ITGAV: variants seen among roughly 807,000 people sequenced by gnomAD.
The protein encoded by ITGAV is integrin alpha-V.
A neutral mutation model predicts 143.8 loss-of-function variants in ITGAV; 76 were observed. That is an observed-to-expected ratio of 0.53 (90% CI 0.44 to 0.64). The LOEUF (loss-of-function observed/expected upper bound fraction) is 0.64, where lower values mean the gene tolerates loss of function less well. Among genes scored for constraint, ITGAV ranks in the 30% least tolerant of loss-of-function variants. ITGAV has a pLI of 0.00. For missense variants in ITGAV, 1,193 were observed against 1,274.7 expected (o/e 0.94, Z 0.98); for synonymous variants, 453 against 446.7 (o/e 1.01, Z -0.18).
At chr2:186,592,722 A>G (rs1211571386) in intron 1 of ITGAV, among the ~76,000 whole-genome samples, 1 of 152,190 alleles carries the variant, frequency 6.6e-6, no homozygotes, top group Non-Finnish European at 1.5e-5. Context: ...GACTTCACTC[A>G]TAGACCTTTA....
In ITGAV at chr2:186,590,287, C is replaced by CG; in HGVS notation, c.-46dup. ...GCGGGCACTGGGCGCCTCGCTGGGG[C>CG]GGGGGGAGGTGGCTACCGCTCCCGG... On this transcript the variant is annotated 5_prime_UTR_variant, in exon 1 of 30. Transcript: ENST00000261023. 1 of 1,410,122 alleles carries CG rather than the reference C, an allele frequency of 7.1e-7. No individual in the cohort carries two copies. The highest frequency in any genetic ancestry group is 9.3e-7 in the Non-Finnish European group (1 of 1,079,166). 87.4% of individuals were successfully genotyped at this position (1,410,122 alleles called of 1,614,324 possible). A position where few individuals can be genotyped will look rare whatever the true frequency, so the allele number is the denominator to read the frequency against.
intron 12 of ITGAV, among the ~76,000 whole-genome samples, chr2:186,642,941 G>A (rs1255426204): frequency 1.3e-5 from 2 of 152,160 alleles, no homozygotes; most frequent in Non-Finnish European, 2.9e-5. Flanking sequence ...ATCAAATGGA[G>A]CTATGGTATG....
At chr2:186,636,382 TAATTGA>T (rs1163666384) in intron 7 of ITGAV, among the ~76,000 whole-genome samples, 175 bp downstream of exon 7, 1 of 152,238 alleles carries the variant, frequency 6.6e-6, no homozygotes, top group Non-Finnish European at 1.5e-5. Context: ...TACGTTTCAG[TAATTGA>T]AATTGAAGAC....
At chr2:186,628,598 C>G (rs1205853720) in intron 4 of ITGAV, among the ~76,000 whole-genome samples, 1 of 152,080 alleles carries the variant, frequency 6.6e-6, no homozygotes, top group Non-Finnish European at 1.5e-5. Flanking sequence ...AGACCTGACA[C>G]CACATGTGTC....
intron 2 of ITGAV, among the ~76,000 whole-genome samples, chr2:186,617,098 A>G (rs1202579291): frequency 1.3e-5 from 2 of 151,910 alleles, no homozygotes; most frequent in Non-Finnish European, 2.9e-5. Flanking sequence ...CATAAAAGTC[A>G]TAGTGATAAA....
chr2:186,592,617 CATG>C (rs1686645293), intron 1 of ITGAV, among the ~76,000 whole-genome samples: 1 of 151,380 alleles, frequency 6.6e-6, no homozygotes, highest in Non-Finnish European at 1.5e-5. Flanking sequence ...TTGAACTCTT[CATG>C]ATATTTGCTA....
In ITGAV at chr2:186,676,862, C is replaced by T. The variant is rs1438702828; in HGVS notation, c.2978C>T (p.Pro993Leu). ...ATTCAGCCAGCGCCCATGCCTGTGC[C>T]TGTGTGGGTGATCATTTTAGCAGTT... The part of the protein sequence containing the change: ...WGIQPAPMPV[P>L]VWVIILAVLA... The change falls in exon 29 of 30, where the codon CCT becomes CTT. Residue 993 changes from proline to leucine, a missense_variant. By Grantham distance (98) the Pro-to-Leu change is moderately conservative. Transcript: ENST00000261023. The T allele has an allele frequency of 1.2e-6, 2 of 1,613,954 alleles. No individual in the cohort carries two copies. The highest frequency in any genetic ancestry group is 1.7e-5 in the Admixed American group (1 of 59,988).
chr2:186,624,031 A>G (rs1687607405), intron 3 of ITGAV, among the ~76,000 whole-genome samples: 1 of 152,160 alleles, frequency 6.6e-6, no homozygotes, highest in African/African-American at 2.4e-5. Context: ...ACAAGCTCAT[A>G]CTGCCTTAAA....
intron 2 of ITGAV, among the ~76,000 whole-genome samples, chr2:186,617,749 T>G (rs1687406032): frequency 6.6e-6 from 1 of 151,534 alleles, no homozygotes; most frequent in African/African-American, 2.4e-5. Context: ...TAAATAAAAT[T>G]ATTTTATTGT....
intron 18 of ITGAV, among the ~76,000 whole-genome samples, chr2:186,661,200 C>T (rs1574497280): frequency 6.6e-6 from 1 of 152,250 alleles, no homozygotes; most frequent in South Asian, 2.1e-4. Context: ...ATACTTTTAA[C>T]ACATCTAAAT....
At chr2:186,626,042 A>T (rs1343957746) in intron 4 of ITGAV, among the ~76,000 whole-genome samples, 1 of 152,174 alleles carries the variant, frequency 6.6e-6, no homozygotes, top group African/African-American at 2.4e-5. Flanking sequence ...TATATTAATA[A>T]TGATGTTGAA....
Position 186,629,572 on chromosome 2 carries a change from C to CAA in ITGAV, c.524-1214_524-1213dup, listed in dbSNP as rs879770762. Among the ~76,000 whole-genome samples, 455 of 135,558 alleles carry CAA rather than the reference C, an allele frequency of 3.4e-3. 1 individual carries two copies. Among genetic ancestry groups the CAA allele is most frequent in the African/African-American group, 0.012 (449 of 37,132 alleles). 88.9% of individuals were successfully genotyped at this position (135,558 alleles called of 152,430 possible). A position where few individuals can be genotyped will look rare whatever the true frequency, so the allele number is the denominator to read the frequency against. The stretch of plus-strand genomic sequence containing the variant: ...TTATACTCTTGAGGCTATTTTCTTT[C>CAA]AAAAAAAAAAAACTTTAAAAAAATT... On this transcript the variant is annotated intron_variant, in intron 4 of 29. Transcript: ENST00000261023.
intron 8 of ITGAV, 138 bp from the exon 9 acceptor site, chr2:186,638,139 A>T (rs1403432416): frequency 2.9e-6 from 2 of 697,684 alleles, no homozygotes; most frequent in East Asian, 5.4e-5. Context: ...TTTATTACGG[A>T]GTACCAATTT....
chr2:186,598,436 A>AT (rs34986292), intron 1 of ITGAV, among the ~76,000 whole-genome samples: 83,443 of 117,362 alleles, frequency 0.71, 30,328 homozygotes, highest in East Asian at 0.85. Flanking sequence ...TACTCATAGC[A>AT]TTTTTTTTTT....
At chr2:186,657,932 A>AT (rs1688635675) in intron 17 of ITGAV, among the ~76,000 whole-genome samples, 2 of 150,854 alleles carry the variant, frequency 1.3e-5, no homozygotes, top group African/African-American at 4.8e-5. Context: ...AGACTTCTCA[A>AT]TTTTAAATAG....
intron 2 of ITGAV, among the ~76,000 whole-genome samples, chr2:186,605,989 T>G (rs1005203274): frequency 6.6e-6 from 1 of 151,966 alleles, no homozygotes; most frequent in Non-Finnish European, 1.5e-5. Context: ...GACTTCATTT[T>G]TTTACATTAG....
intron 5 of ITGAV, among the ~76,000 whole-genome samples, chr2:186,632,240 CCAAATA>C (rs1687832096): frequency 6.6e-6 from 1 of 151,950 alleles, no homozygotes; most frequent in Non-Finnish European, 1.5e-5. Flanking sequence ...TGATACATTT[CCAAATA>C]GGTATTATAT....
chr2:186,620,198 G>T (rs1338245769), intron 2 of ITGAV, among the ~76,000 whole-genome samples: 1 of 152,244 alleles, frequency 6.6e-6, no homozygotes, highest in East Asian at 1.9e-4. Context: ...CTTTACGGGT[G>T]CCTATACTAT....
intron 10 of ITGAV, 117 bp from the exon 11 acceptor site, chr2:186,640,798 T>C (rs1688080301): frequency 2.7e-6 from 2 of 730,282 alleles, no homozygotes; most frequent in Non-Finnish European, 4.5e-6. Flanking sequence ...GACATTTAGA[T>C]TGAAGCACTA....
Sources: allele counts gnomAD v4.1 joint callset (sites outside exome capture counted in the v4.1 genomes callset), GRCh38; gene constraint gnomAD v4.1.1; transcripts MANE v1.5; gene names NCBI Gene and HGNC (gene_info 2026-07-23, HGNC 2026-07-21).